ABI3BP: variants seen among roughly 807,000 people sequenced by gnomAD.
ABI3BP encodes target of Nesh-SH3.
ABI3BP carries 216 observed loss-of-function variants against 268.6 expected under a neutral mutation model. That is an observed-to-expected ratio of 0.80 (90% CI 0.72 to 0.90). The LOEUF is 0.90. Ranked by LOEUF, ABI3BP falls within the 40% of genes least tolerant of loss-of-function variation. The probability of loss-of-function intolerance (pLI) is 0.00; values close to 1 mark genes in which losing one functional copy is unlikely to be tolerated. For synonymous variants in ABI3BP, 730 were observed against 730.0 expected (o/e 1.00, Z 0.00); for missense variants, 2,090 against 2,182.4 (o/e 0.96, Z 0.84).
rs150584905 is a variant in ABI3BP, at chr3:100,838,212, G to C, written c.2081C>G (p.Ser694Cys). The change falls in exon 26 of 68, where the codon TCC (serine) becomes TGC (cysteine). Residue 694 changes from serine to cysteine, a missense_variant and splice_region_variant. Transcript: ENST00000471714. ...AAAGCACTGGAAATTATGTTTACCG[G>C]ATTTAGTTGGTGGCATGTCTGGTTC... The part of the protein sequence containing the change: ...TAEPDMPPTK[S>C]VSEPVPFETE... 78 of 1,535,374 alleles carry C rather than the reference G, an allele frequency of 5.1e-5. No individual in the cohort carries two copies. Among genetic ancestry groups the C allele is most frequent in the Non-Finnish European group, 6.5e-5 (75 of 1,145,994 alleles).
chr3:100,945,554 T>C (rs576553242), intron 1 of ABI3BP: 1 of 409,316 alleles, frequency 2.4e-6, no homozygotes, highest in South Asian at 1.8e-5. Flanking sequence ...TCTGCTTTTC[T>C]GGTAATTAAA....
At position 100,759,955 on chromosome 3, in the gene ABI3BP, G is replaced by T. The variant is rs1018978293; in HGVS notation, c.4851-5264C>A. ...GACTAGAATTTCGCAGAAACACTAT[G>T]AAAAGGGTATAATGGCTATTCCACA... On this transcript the variant is annotated intron_variant, in intron 63 of 67. Transcript: ENST00000471714. 5.3e-5 allele frequency among the ~76,000 whole-genome samples: 8 copies of T among 152,336 alleles called. No individual in the cohort carries two copies. In the East Asian group the frequency reaches 1.5e-3, roughly 29 times the overall value.
intron 41 of ABI3BP, 25 bp from the exon 42 acceptor site, chr3:100,817,520 C>G: frequency 7.2e-7 from 1 of 1,387,270 alleles, no homozygotes; most frequent in Non-Finnish European, 9.6e-7. Flanking sequence ...TAAAATAAAG[C>G]AAAAAGATTT....
intron 21 of ABI3BP, among the ~76,000 whole-genome samples, chr3:100,841,597 A>T (rs2098703524): frequency 6.6e-6 from 1 of 152,148 alleles, no homozygotes; most frequent in Non-Finnish European, 1.5e-5. Context: ...AGGAAAATTA[A>T]GAAATATTAG....
chr3:100,753,054 C>T lies in ABI3BP; in HGVS notation c.4961-106G>A, dbSNP rs2149258731. 8 of 1,084,356 alleles carry T rather than the reference C, an allele frequency of 7.4e-6. No individual in the cohort carries two copies. The East Asian group carries it at 2.0e-4, about 28-fold the overall frequency. The allele number at this position is 1,084,356 out of a possible 1,614,324, so 67.2% of individuals were successfully genotyped here. A position where few individuals can be genotyped will look rare whatever the true frequency, so the allele number is the denominator to read the frequency against. ...ACTTGCTGATACCTTTTTTTCCCCC[C>T]ATGCTAAATACTGGAGCCAAAAATA... On this transcript the variant is annotated intron_variant, in intron 65 of 67. Transcript: ENST00000471714.
chr3:100,877,972 A>G (rs1490041479), intron 6 of ABI3BP, among the ~76,000 whole-genome samples: 1 of 152,202 alleles, frequency 6.6e-6, no homozygotes, highest in Non-Finnish European at 1.5e-5. Context: ...TCCTTATCAT[A>G]TTAAGGTTCT....
chr3:100,829,154 G>A (rs56140308), intron 33 of ABI3BP, among the ~76,000 whole-genome samples: 20,250 of 146,964 alleles, frequency 0.14, 1,797 homozygotes, highest in South Asian at 0.26. Flanking sequence ...AAAAAAAAAA[G>A]AAGAAGAAGA....
intron 9 of ABI3BP, among the ~76,000 whole-genome samples, chr3:100,869,330 G>GTTTTTTTTTTTTTTTTTTTTTTTTTTGT: frequency 2.0e-5 from 1 of 49,754 alleles, no homozygotes; most frequent in Non-Finnish European, 3.4e-5. Flanking sequence ...CTTCTTTTTG[G>GTTTTTTTTTTTTTTTTTTTTTTTTTTGT]TTTTTTTTTT....
Position 100,749,853 on chromosome 3 carries a change from G to T in ABI3BP, c.*642C>A. 2.5e-6 allele frequency: 1 copy of T among 396,304 alleles called. No individual in the cohort carries two copies. The highest frequency in any genetic ancestry group is 3.6e-5 in the East Asian group (1 of 27,918). The allele number at this position is 396,304 out of a possible 1,614,324, so 24.5% of individuals were successfully genotyped here. On this transcript the variant is annotated 3_prime_UTR_variant, in exon 68 of 68. Transcript: ENST00000471714. ...ATTAGACTCCATTTTTAGCTGAAAT[G>T]AAATTTACTGATTCAATCTTTTTAA... is the stretch of plus-strand genomic sequence containing the variant.
At chr3:100,905,029 A>G (rs187962192) in intron 2 of ABI3BP, among the ~76,000 whole-genome samples, 240 of 152,390 alleles carry the variant, frequency 1.6e-3, no homozygotes, top group African/African-American at 5.3e-3. Flanking sequence ...CAACAATGAT[A>G]GACTGGATTA....
intron 2 of ABI3BP, 34 bp from the exon 3 acceptor site, chr3:100,902,720 C>T: frequency 1.3e-6 from 2 of 1,589,892 alleles, no homozygotes; most frequent in East Asian, 2.2e-5. Context: ...CAGAAAAACC[C>T]TTTGAGAACC....
At position 100,825,920 on chromosome 3, in the gene ABI3BP, G is replaced by T. The variant is rs1292378019; in HGVS notation, c.2603-76C>A. 7.3e-6 allele frequency: 8 copies of T among 1,089,990 alleles called. No homozygotes were observed. The Admixed American group carries it at 1.6e-4, about 22-fold the overall frequency. The allele number at this position is 1,089,990 out of a possible 1,614,324, so 67.5% of individuals were successfully genotyped here. Reference sequence around the variant, plus strand: ...TAGTATTCACATCAAAACGTATCTTGCTTGTGTAACACTGCCTCTAGGATA... The same window carrying T: ...TAGTATTCACATCAAAACGTATCTTTCTTGTGTAACACTGCCTCTAGGATA... On this transcript the variant is annotated intron_variant, in intron 34 of 67. Transcript: ENST00000471714.
intron 45 of ABI3BP, 112 bp from the exon 46 acceptor site, chr3:100,812,635 T>A (rs2097890701): frequency 1.8e-6 from 1 of 561,388 alleles, no homozygotes; most frequent in Non-Finnish European, 2.7e-6. Flanking sequence ...GTAACAACAT[T>A]ATTAACACTA....
rs1175363802 is a variant in ABI3BP, at chr3:100,847,616, G to T, written c.1634C>A (p.Thr545Lys). Residue 545 changes from threonine to lysine, a missense_variant, in exon 19 of 68, where the codon ACA becomes AAA. Transcript: ENST00000471714. ...TPKISKSPEP[T>K]WTTPAPGKTQ... Reference sequence around the variant, plus strand: ...ATCATTATTACCCGGTGTTGTCCATGTAGGTTCAGGGCTTTTAGAAATTTT... The same window carrying T: ...ATCATTATTACCCGGTGTTGTCCATTTAGGTTCAGGGCTTTTAGAAATTTT... The T allele has an allele frequency of 1.2e-6, 2 of 1,613,174 alleles. No individual in the cohort carries two copies. Among genetic ancestry groups the T allele is most frequent in the Non-Finnish European group, 1.7e-6 (2 of 1,179,152 alleles).
intron 57 of ABI3BP, among the ~76,000 whole-genome samples, chr3:100,785,451 C>T (rs2097006014): frequency 6.6e-6 from 1 of 151,886 alleles, no homozygotes; most frequent in African/African-American, 2.4e-5. Flanking sequence ...ATTTTTTCCT[C>T]ACCAATTTTT....
intron 51 of ABI3BP, among the ~76,000 whole-genome samples, chr3:100,798,945 G>T (rs760156639): frequency 1.3e-5 from 2 of 151,998 alleles, no homozygotes; most frequent in Non-Finnish European, 1.5e-5. Context: ...AGGAAGCCCC[G>T]TTGGAGGCTA....
At chr3:100,792,264 G>A (rs1377038403) in intron 55 of ABI3BP, among the ~76,000 whole-genome samples, 1 of 151,734 alleles carries the variant, frequency 6.6e-6, no homozygotes, top group African/African-American at 2.4e-5. Flanking sequence ...TCTTATTAAT[G>A]TATTTCATCA....
chr3:100,859,953 TCTCAGCTA>T (rs1365654475), intron 14 of ABI3BP, among the ~76,000 whole-genome samples: 2 of 152,170 alleles, frequency 1.3e-5, no homozygotes, highest in African/African-American at 4.8e-5. Context: ...GTGCCTGTAG[TCTCAGCTA>T]CTCAGGAGGC....
chr3:100,848,225 C>T (rs1360463098), intron 18 of ABI3BP, among the ~76,000 whole-genome samples: 1 of 150,580 alleles, frequency 6.6e-6, no homozygotes, highest in Non-Finnish European at 1.5e-5. Flanking sequence ...GAGTAGGTAC[C>T]AAAAAAAATA....
Sources: gnomAD v4.1 joint callset for allele counts (sites outside exome capture counted in the v4.1 genomes callset) on GRCh38, gnomAD v4.1.1 for gene constraint, MANE v1.5 for transcripts, NCBI Gene and HGNC (gene_info 2026-07-23, HGNC 2026-07-21) for gene names.